OVCH1: variants seen among roughly 807,000 people sequenced by gnomAD.
OVCH1 encodes ovochymase-1.
A neutral mutation model predicts 138.4 loss-of-function variants in OVCH1; 139 were observed. The observed-to-expected ratio is 1.00, with a 90% CI of 0.87 to 1.16. The LOEUF is 1.16. Among genes scored for constraint, OVCH1 ranks in the 50% most tolerant of loss-of-function variants. OVCH1 has a pLI of 0.00. For missense variants in OVCH1, 1,367 were observed against 1,357.9 expected (o/e 1.01, Z -0.11); for synonymous variants, 453 against 467.8 (o/e 0.97, Z 0.41).
chr12:29,445,427 T>TA lies in OVCH1; in HGVS notation c.2756-25dup, dbSNP rs574214099. 2.6e-4 allele frequency: 415 copies of TA among 1,583,594 alleles called. 2 individuals carry two copies. The South Asian group carries it at 3.7e-3, about 14-fold the overall frequency. On this transcript the variant is annotated intron_variant, in intron 22 of 27. Transcript: ENST00000318184. ...ACCTAGGTTAAAAAGTGAACTCTAG[T>TA]AAAAAATAAGAATGAAAATTTGACA...
chr12:29,442,511 T>C (rs1169928126), intron 25 of OVCH1, among the ~76,000 whole-genome samples: 4 of 146,456 alleles, frequency 2.7e-5, no homozygotes, highest in African/African-American at 7.5e-5. Context: ...TTAGGAGATA[T>C]ACCTAATGCT....
In OVCH1 at chr12:29,444,651, T is replaced by C. The variant is rs557012910; in HGVS notation, c.2882-371A>G. 3.3e-5 allele frequency among the ~76,000 whole-genome samples: 5 copies of C among 152,168 alleles called. No homozygotes were observed. The East Asian group carries it at 9.7e-4, about 29-fold the overall frequency. On this transcript the variant is annotated intron_variant, in intron 23 of 27. Transcript: ENST00000318184. ...TTACTTAATTAACTTTTTCCAAATA[T>C]ACAGTATACACAGGTCTAGAATAAC...
chr12:29,472,802 C>CT (rs1863497450), intron 15 of OVCH1, among the ~76,000 whole-genome samples: 1 of 152,166 alleles, frequency 6.6e-6, no homozygotes, highest in Admixed American at 6.5e-5. Context: ...CAAAACATTG[C>CT]TTTATACCCT....
intron 23 of OVCH1, 99 bp from the exon 24 acceptor site, chr12:29,444,379 T>C: frequency 7.9e-7 from 1 of 1,260,884 alleles, no homozygotes; most frequent in Non-Finnish European, 1.1e-6. Flanking sequence ...TCTTCCCTAA[T>C]TGTCCTGGGA....
At chr12:29,472,006 A>G in intron 15 of OVCH1, 24 bp from the exon 16 acceptor site, 3 of 1,581,384 alleles carry the variant, frequency 1.9e-6, no homozygotes, top group Non-Finnish European at 2.6e-6. Context: ...GAAACCAATG[A>G]CCCATAAGGT....
Position 29,475,421 on chromosome 12 carries a change from G to A in OVCH1, c.1472-232C>T, listed in dbSNP as rs549266047. On this transcript the variant is annotated intron_variant, in intron 13 of 27. Coordinates refer to ENST00000318184, the Ensembl canonical transcript of OVCH1. The stretch of plus-strand genomic sequence containing the variant: ...AATAAGGACATTTGATTTCCAGTAC[G>A]CCCGGAAACTCAACTGGTTATTACT... Among the ~76,000 whole-genome samples, 5 of 151,826 alleles carry A rather than the reference G, an allele frequency of 3.3e-5. No individual in the cohort carries two copies. The South Asian group carries it at 1.0e-3, about 32-fold the overall frequency.
At chr12:29,470,795 C>G (rs1396683961) in intron 16 of OVCH1, among the ~76,000 whole-genome samples, 1 of 152,194 alleles carries the variant, frequency 6.6e-6, no homozygotes, top group Non-Finnish European at 1.5e-5. Flanking sequence ...AATCGCCACA[C>G]TGTCTTCCAC....
At chr12:29,415,651 T>A (rs557053737) in intron 3 of OVCH1, among the ~76,000 whole-genome samples, 1 of 152,050 alleles carries the variant, frequency 6.6e-6, no homozygotes, top group East Asian at 1.9e-4. Context: ...GAGATGGAAA[T>A]CAAAGAAGAT....
intron 25 of OVCH1, among the ~76,000 whole-genome samples, chr12:29,442,662 A>T (rs1313299258): frequency 1.3e-5 from 2 of 151,862 alleles, no homozygotes; most frequent in Non-Finnish European, 2.9e-5. Flanking sequence ...AAATTTTATG[A>T]TGGGGAAACT....
In OVCH1 at chr12:29,464,710, G is replaced by C. The variant is rs117893886; in HGVS notation, c.1930-8C>G. On this transcript the variant is annotated splice_polypyrimidine_tract_variant and splice_region_variant and intron_variant, in intron 17 of 27. Coordinates refer to ENST00000318184, the Ensembl canonical transcript of OVCH1. ...GTGTTTGGCCCTTCTCACCTGTATC[G>C]GTGGCAAGTAAGCAAATTACAACGT... 1.1e-5 allele frequency: 17 copies of C among 1,600,274 alleles called. No homozygotes were observed. Among genetic ancestry groups the C allele is most frequent in the Non-Finnish European group, 1.4e-5 (16 of 1,173,258 alleles).
At chr12:29,465,318 T>C in intron 16 of OVCH1, 99 bp from the exon 17 acceptor site, 1 of 997,302 alleles carries the variant, frequency 1.0e-6, no homozygotes, top group Non-Finnish European at 1.4e-6. Context: ...AAAGTCTTTC[T>C]GAAGACGTTC....
intron 3 of OVCH1, 100 bp downstream of exon 3, chr12:29,496,081 A>C (rs570288209): frequency 9.1e-7 from 1 of 1,104,798 alleles, no homozygotes; most frequent in East Asian, 2.6e-5. Flanking sequence ...GGCAAAAGTA[A>C]GAAAGGGACT....
chr12:29,472,601 A>G (rs1942551301), intron 15 of OVCH1, among the ~76,000 whole-genome samples: 1 of 152,188 alleles, frequency 6.6e-6, no homozygotes, highest in East Asian at 1.9e-4. Flanking sequence ...CAGTCCATCA[A>G]CTTGAACATA....
At chr12:29,473,030 A>G in exon 15 of OVCH1, 1 of 1,607,680 alleles carries the variant, frequency 6.2e-7, no homozygotes, top group South Asian at 1.1e-5. Context: ...CCAACTCACC[A>G]TGCAGAATAG....
At chr12:29,436,781 T>C (rs1465740173) in intron 26 of OVCH1, among the ~76,000 whole-genome samples, 1 of 152,208 alleles carries the variant, frequency 6.6e-6, no homozygotes, top group Non-Finnish European at 1.5e-5. Flanking sequence ...GTGGTCTCAC[T>C]GACTTCAGGA....
At chr12:29,496,453 G>C in intron 2 of OVCH1, 103 bp downstream of exon 2, 1 of 1,188,054 alleles carries the variant, frequency 8.4e-7, no homozygotes, top group Non-Finnish European at 1.2e-6. Context: ...AGCTAGAGGG[G>C]TTCAGGAGAA....
chr12:29,409,276 G>T (rs192055054), downstream of OVCH1, among the ~76,000 whole-genome samples: 6,263 of 152,092 alleles, frequency 0.041, 165 homozygotes, highest in East Asian at 0.068. Context: ...ATTCATTAAT[G>T]TTTTGAAGGG....
rs754320629 is a variant in OVCH1, at chr12:29,471,897, T to C, written c.1761A>G (p.Pro587=). ...CTAGAAACCTCAGACCCACCTGCCATGGCCAACAGTGGGGGCAGGCTTCTT... is the reference window on the plus strand; with the variant it reads ...CTAGAAACCTCAGACCCACCTGCCACGGCCAACAGTGGGGGCAGGCTTCTT... Residue 587 remains proline, a synonymous_variant, in exon 16 of 28, where the codon CCA becomes CCG. Coordinates refer to ENST00000318184, the Ensembl canonical transcript of OVCH1. 9 of 1,613,424 alleles carry C rather than the reference T, an allele frequency of 5.6e-6. No homozygotes were observed. The South Asian group carries it at 7.7e-5, about 14-fold the overall frequency.
chr12:29,457,196 A>G (rs1036036594), intron 19 of OVCH1, among the ~76,000 whole-genome samples: 4 of 152,124 alleles, frequency 2.6e-5, no homozygotes, highest in Non-Finnish European at 5.9e-5. Flanking sequence ...CAGTTGGACA[A>G]TGGTCTGATG....
Sources: allele counts gnomAD v4.1 joint callset (sites outside exome capture counted in the v4.1 genomes callset), GRCh38; gene constraint gnomAD v4.1.1; transcripts MANE v1.5; gene names NCBI Gene and HGNC (gene_info 2026-07-23, HGNC 2026-07-21).